SRCIN1: variants seen among roughly 807,000 people sequenced by gnomAD.
The protein encoded by SRCIN1 is SRC kinase signaling inhibitor 1, also known as P130Cas-associated protein.
In SRCIN1, 50 loss-of-function variants were observed where a neutral mutation model predicts 116.2. The observed-to-expected ratio is 0.43, with a 90% CI of 0.34 to 0.54. The LOEUF (loss-of-function observed/expected upper bound fraction) is 0.54, where lower values mean the gene tolerates loss of function less well. Among genes scored for constraint, SRCIN1 ranks in the 20% least tolerant of loss-of-function variants. SRCIN1 has a pLI of 0.02. For synonymous variants in SRCIN1, 736 were observed against 750.0 expected (o/e 0.98, Z 0.30); for missense variants, 1,446 against 1,672.0 (o/e 0.86, Z 2.36).
At chr17:38,560,900 A>T (rs1284085829) in intron 7 of SRCIN1, among the ~76,000 whole-genome samples, 1 of 152,236 alleles carries the variant, frequency 6.6e-6, no homozygotes, top group Non-Finnish European at 1.5e-5. Flanking sequence ...TTCACTGCTC[A>T]GCAGCGCTGC....
In SRCIN1 at chr17:38,572,723, G is replaced by C. The variant is rs1907171065; in HGVS notation, c.325-4492C>G. 6.6e-6 allele frequency: 1 copy of C among 152,516 alleles called. No individual in the cohort carries two copies. The highest frequency in any genetic ancestry group is 2.4e-5 in the African/African-American group (1 of 41,372). 9.4% of individuals were successfully genotyped at this position (152,516 alleles called of 1,614,324 possible). A position where few individuals can be genotyped will look rare whatever the true frequency, so the allele number is the denominator to read the frequency against. The stretch of plus-strand genomic sequence containing the variant: ...CAGCCCCAGGTCCTGCGTCCGGCTG[G>C]GGAGGGAGGGCCCCTACTCCCACCC... On this transcript the variant is annotated intron_variant, in intron 2 of 18. Coordinates refer to ENST00000617146, the MANE Select transcript of SRCIN1 (RefSeq NM_025248.3). This position sits in a 1 kb window ranked among gnomAD's most constrained non-coding sequence, Gnocchi z 4.3.
intron 18 of SRCIN1, among the ~76,000 whole-genome samples, chr17:38,535,470 G>A (rs1482822151): frequency 2.6e-5 from 4 of 152,132 alleles, no homozygotes; most frequent in South Asian, 2.1e-4. Flanking sequence ...GCCTCCCAAA[G>A]TGTTGGGATT....
intron 1 of SRCIN1, among the ~76,000 whole-genome samples, chr17:38,592,349 C>T (rs1487124819): frequency 6.6e-6 from 1 of 151,970 alleles, no homozygotes; most frequent in South Asian, 2.1e-4. Flanking sequence ...CCTCTGCAGC[C>T]CTCACTTCCC....
rs1024753751 is a variant in SRCIN1, at chr17:38,585,983, C to G, written c.23-7192G>C. Among the ~76,000 whole-genome samples, 7 of 152,124 alleles carry G rather than the reference C, an allele frequency of 4.6e-5. No individual in the cohort carries two copies. Among genetic ancestry groups the G allele is most frequent in the Middle Eastern group, 3.2e-3 (1 of 316 alleles). ...ACTCCCTGCCAGCCCAGCCCCACCCCCTGAATGTCAGGCTCCACTTCAGGA... is the reference window on the plus strand; with the variant it reads ...ACTCCCTGCCAGCCCAGCCCCACCCGCTGAATGTCAGGCTCCACTTCAGGA... On this transcript the variant is annotated intron_variant, in intron 1 of 18. Transcript: ENST00000617146. The surrounding 1 kb of genome is among the most constrained non-coding windows in gnomAD (Gnocchi z 4.2).
chr17:38,539,857 C>A (rs998802692), intron 18 of SRCIN1, among the ~76,000 whole-genome samples: 6 of 151,848 alleles, frequency 4.0e-5, no homozygotes, highest in African/African-American at 1.2e-4. Context: ...CCCACCTCTA[C>A]TGAAAATACA....
In SRCIN1 at chr17:38,559,681, G is replaced by A. The variant is rs779403189; in HGVS notation, c.1929C>T (p.Thr643=). 1 of 1,599,004 alleles carries A rather than the reference G, an allele frequency of 6.3e-7. No individual in the cohort carries two copies. Among genetic ancestry groups the A allele is most frequent in the Non-Finnish European group, 8.5e-7 (1 of 1,178,226 alleles). The change falls in exon 10 of 19, where the codon ACC becomes ACT. Residue 643 remains threonine (T), a synonymous_variant. Transcript: ENST00000617146. ...SASSTPAGQP[T]AVSRLQMQLH... ...GCTGCATCTGCAGCCGGCTAACGGCGGTAGGCTGACCTGCGGGGGTGCTGC... is the reference window on the plus strand; with the variant it reads ...GCTGCATCTGCAGCCGGCTAACGGCAGTAGGCTGACCTGCGGGGGTGCTGC...
At chr17:38,540,928 A>G (rs1555604873) in intron 18 of SRCIN1, among the ~76,000 whole-genome samples, 1 of 152,104 alleles carries the variant, frequency 6.6e-6, no homozygotes, top group Non-Finnish European at 1.5e-5. Flanking sequence ...CTGCTTCTCT[A>G]TACTTTACTG....
intron 11 of SRCIN1, among the ~76,000 whole-genome samples, chr17:38,556,993 A>G (rs151262022): frequency 5.9e-4 from 90 of 152,204 alleles, no homozygotes; most frequent in African/African-American, 2.0e-3. Context: ...ATCTGGAGAA[A>G]TGGAATTCCC....
chr17:38,551,528 C>T (rs1905409525), intron 14 of SRCIN1, 139 bp from the exon 15 acceptor site: 2 of 759,318 alleles, frequency 2.6e-6, no homozygotes, highest in Non-Finnish European at 4.2e-6. Context: ...CAGGAAGACA[C>T]TTTGACTTCT....
chr17:38,538,725 G>A (rs946219007), intron 18 of SRCIN1, among the ~76,000 whole-genome samples: 20 of 152,054 alleles, frequency 1.3e-4, no homozygotes, highest in Non-Finnish European at 2.8e-4. Flanking sequence ...CGTCACAAGC[G>A]CGATCTCATC....
At chr17:38,569,793 G>A (rs1412357462) in intron 2 of SRCIN1, among the ~76,000 whole-genome samples, 3 of 152,164 alleles carry the variant, frequency 2.0e-5, no homozygotes, top group Non-Finnish European at 4.4e-5. Flanking sequence ...TGGTGCTAGG[G>A]GATGCCCACA....
At chr17:38,599,924 T>C (rs538008446) in intron 1 of SRCIN1, among the ~76,000 whole-genome samples, 2 of 152,368 alleles carry the variant, frequency 1.3e-5, no homozygotes, top group South Asian at 4.1e-4. Flanking sequence ...TCTCTAAGGA[T>C]TATTATCTTC....
intron 11 of SRCIN1, among the ~76,000 whole-genome samples, chr17:38,557,851 A>G (rs1829604498): frequency 6.6e-6 from 1 of 152,122 alleles, no homozygotes; most frequent in Non-Finnish European, 1.5e-5. Context: ...CTGCACCTGA[A>G]CTCACTACCC....
chr17:38,534,720 C>A (rs113860590), intron 18 of SRCIN1, among the ~76,000 whole-genome samples: 5 of 152,190 alleles, frequency 3.3e-5, no homozygotes, highest in South Asian at 2.1e-4. Context: ...AAAGAACCAG[C>A]GCTGGCTGCA....
chr17:38,572,898 T>C lies in SRCIN1; in HGVS notation c.325-4667A>G, dbSNP rs1307681043. 4.0e-5 allele frequency: 6 copies of C among 150,292 alleles called. No homozygotes were observed. Among genetic ancestry groups the C allele is most frequent in the African/African-American group, 7.3e-5 (3 of 40,976 alleles). The allele number at this position is 150,292 out of a possible 1,614,324, so 9.3% of individuals were successfully genotyped here. On this transcript the variant is annotated intron_variant, in intron 2 of 18. Coordinates refer to ENST00000617146, the MANE Select transcript of SRCIN1 (RefSeq NM_025248.3). This position sits in a 1 kb window ranked among gnomAD's most constrained non-coding sequence, Gnocchi z 4.3. ...ACCGCGACTCCACCTGGCGCGGCGCTGCGCGCCGCCGTGCACATCCCCTCT... is the reference window on the plus strand; with the variant it reads ...ACCGCGACTCCACCTGGCGCGGCGCCGCGCGCCGCCGTGCACATCCCCTCT...
At position 38,562,809 on chromosome 17, in the gene SRCIN1, G is replaced by A. The variant is rs753850469; in HGVS notation, c.834+18C>T. ...ATGTGCCCAGCCTCCCCAATGCCCT[G>A]GGCATGCCCAGCCATACCCGGAGGT... On this transcript the variant is annotated intron_variant, in intron 6 of 18. Coordinates refer to ENST00000617146, the MANE Select transcript of SRCIN1 (RefSeq NM_025248.3). The surrounding 1 kb of genome is among the most constrained non-coding windows in gnomAD (Gnocchi z 4.2). 1 of 1,610,764 alleles carries A rather than the reference G, an allele frequency of 6.2e-7. No individual in the cohort carries two copies. Among genetic ancestry groups the A allele is most frequent in the Non-Finnish European group, 8.5e-7 (1 of 1,177,826 alleles).
chr17:38,597,748 A>G (rs1056607327), intron 1 of SRCIN1, among the ~76,000 whole-genome samples: 2 of 152,318 alleles, frequency 1.3e-5, no homozygotes, highest in East Asian at 3.9e-4. Flanking sequence ...GTCTTTGGCT[A>G]TCTTCCTTTT....
At chr17:38,598,737 G>A (rs1464633598) in intron 1 of SRCIN1, among the ~76,000 whole-genome samples, 1 of 152,212 alleles carries the variant, frequency 6.6e-6, no homozygotes, top group Non-Finnish European at 1.5e-5. Context: ...CAGGAGCCAG[G>A]ATAAGGCTGT....
chr17:38,583,031 C>T (rs779289815), intron 1 of SRCIN1, among the ~76,000 whole-genome samples: 1 of 152,178 alleles, frequency 6.6e-6, no homozygotes, highest in Admixed American at 6.5e-5. Context: ...GCCAGAGACA[C>T]CCTGGGTGTC....
Sources: allele counts gnomAD v4.1 joint callset (sites outside exome capture counted in the v4.1 genomes callset), GRCh38; gene constraint gnomAD v4.1.1; non-coding constraint Gnocchi (gnomAD v3.1); transcripts MANE v1.5; gene names NCBI Gene and HGNC (gene_info 2026-07-23, HGNC 2026-07-21).